The following SH3BGRL2 variants were observed in gnomAD, a reference collection of about 807,000 sequenced individuals.
SH3BGRL2 encodes the protein SH3 domain binding glutamate rich protein like 2, also known as SH3 domain-binding glutamic acid-rich-like protein 2.
A neutral mutation model predicts 14.8 loss-of-function variants in SH3BGRL2; 21 were observed. The observed-to-expected ratio is 1.42, with a 90% CI of 1.01 to 2.05. The LOEUF is 2.05. Ranked by LOEUF, SH3BGRL2 falls within the 30% of genes most tolerant of loss-of-function variation. SH3BGRL2 has a pLI of 0.00. For missense variants in SH3BGRL2, 147 were observed against 130.8 expected (o/e 1.12, Z -0.61); for synonymous variants, 50 against 47.8 (o/e 1.05, Z -0.19).
At chr6:79,550,419 T>C in the SH3BGRL2 span, among the ~76,000 whole-genome samples, 1 of 152,158 alleles carries the variant, frequency 6.6e-6, no homozygotes, top group African/African-American at 2.4e-5. Flanking sequence ...CCTAAGGTAA[T>C]CCTCTGCTTA....
chr6:79,680,948 T>A (rs1769977323), intron 2 of SH3BGRL2, among the ~76,000 whole-genome samples: 1 of 152,234 alleles, frequency 6.6e-6, no homozygotes, highest in African/African-American at 2.4e-5. Flanking sequence ...TGTTTATTAG[T>A]TCTTTTATTT....
the SH3BGRL2 span, among the ~76,000 whole-genome samples, chr6:79,583,346 G>A: frequency 0.11 from 16,275 of 152,112 alleles, 983 homozygotes; most frequent in Non-Finnish European, 0.13. Flanking sequence ...TGTTTATTGC[G>A]GCACTATTTA....
intron 1 of SH3BGRL2, among the ~76,000 whole-genome samples, chr6:79,664,535 C>T (rs545443137): frequency 2.0e-5 from 3 of 152,210 alleles, no homozygotes; most frequent in South Asian, 4.1e-4. Context: ...GCCAACTGGC[C>T]CAATTGAGGT....
rs1466642623 is a variant in SH3BGRL2, at chr6:79,641,077, A to G, written c.45+9571A>G. 3.3e-5 allele frequency among the ~76,000 whole-genome samples: 5 copies of G among 152,152 alleles called. No homozygotes were observed. In the East Asian group the frequency reaches 9.7e-4, roughly 29 times the overall value. On this transcript the variant is annotated intron_variant, in intron 1 of 3. Coordinates refer to ENST00000369838, the MANE Select transcript of SH3BGRL2 (RefSeq NM_031469.4). ...TTGTTTTCCTTCTGCATGTTCCACA[A>G]GACGTGGGAGTGTGGTCTTCTTCAT...
chr6:79,541,096 A>T, the SH3BGRL2 span, among the ~76,000 whole-genome samples: 1 of 151,990 alleles, frequency 6.6e-6, no homozygotes, highest in Non-Finnish European at 1.5e-5. Flanking sequence ...TCTACTAAAA[A>T]TACAAAATTA....
At position 79,641,638 on chromosome 6, in the gene SH3BGRL2, A is replaced by G. The variant is rs753400298; in HGVS notation, c.45+10132A>G. ...AAAAGCTCTTATGAGCTTTGAATGA[A>G]ATGAATGATTTTGCATTAGGCATTT... On this transcript the variant is annotated intron_variant, in intron 1 of 3. Coordinates refer to ENST00000369838, the MANE Select transcript of SH3BGRL2 (RefSeq NM_031469.4). Among the ~76,000 whole-genome samples, 24 of 152,188 alleles carry G rather than the reference A, an allele frequency of 1.6e-4. 1 individual carries two copies. The highest frequency in any genetic ancestry group is 6.2e-4 in the South Asian group (3 of 4,824).
At chr6:79,671,684 A>G (rs774325736) in intron 1 of SH3BGRL2, among the ~76,000 whole-genome samples, 4 of 152,214 alleles carry the variant, frequency 2.6e-5, no homozygotes, top group Non-Finnish European at 5.9e-5. Context: ...AGTGCTCTTG[A>G]TGGCTTCCTG....
chr6:79,639,822 T>C (rs1010927635), intron 1 of SH3BGRL2, among the ~76,000 whole-genome samples: 2 of 152,182 alleles, frequency 1.3e-5, no homozygotes, highest in Non-Finnish European at 2.9e-5. Context: ...GAGATTTAAG[T>C]TCTATTTAAG....
the SH3BGRL2 span, among the ~76,000 whole-genome samples, chr6:79,568,963 T>C: frequency 6.6e-6 from 1 of 152,222 alleles, no homozygotes; most frequent in Non-Finnish European, 1.5e-5. Context: ...AAGAGATTTA[T>C]TCTAAGCCAA....
At chr6:79,676,140 G>A (rs1297823553) in intron 2 of SH3BGRL2, among the ~76,000 whole-genome samples, 1 of 152,028 alleles carries the variant, frequency 6.6e-6, no homozygotes, top group Admixed American at 6.6e-5. Flanking sequence ...ATCTCTGCCT[G>A]GCTATTGGAG....
chr6:79,690,139 A>G (rs1471520396), intron 2 of SH3BGRL2, among the ~76,000 whole-genome samples: 2 of 151,876 alleles, frequency 1.3e-5, no homozygotes, highest in African/African-American at 2.4e-5. Context: ...CTGCAGGCAC[A>G]TGCTGCCATC....
At chr6:79,659,166 G>T (rs1403915947) in intron 1 of SH3BGRL2, among the ~76,000 whole-genome samples, 1 of 152,050 alleles carries the variant, frequency 6.6e-6, no homozygotes, top group East Asian at 1.9e-4. Flanking sequence ...GTCAATTTTG[G>T]CTTTTGTTGC....
At chr6:79,567,496 C>A in the SH3BGRL2 span, among the ~76,000 whole-genome samples, 1,084 of 152,196 alleles carry the variant, frequency 7.1e-3, 14 homozygotes, top group African/African-American at 0.024. Context: ...CAGTGACAGG[C>A]CTTTACATAT....
upstream of SH3BGRL2, among the ~76,000 whole-genome samples, chr6:79,627,543 C>T (rs1207988408): frequency 1.3e-5 from 2 of 152,124 alleles, no homozygotes; most frequent in Admixed American, 1.3e-4. Context: ...ATGAAATTTG[C>T]CAAAGGAGAG....
Position 79,667,230 on chromosome 6 carries a change from C to T in SH3BGRL2, c.46-6384C>T, listed in dbSNP as rs114535091. Among the ~76,000 whole-genome samples, 824 of 152,236 alleles carry T rather than the reference C, an allele frequency of 5.4e-3. 9 individuals are homozygous for T. Among genetic ancestry groups the T allele is most frequent in the African/African-American group, 0.019 (778 of 41,542 alleles). On this transcript the variant is annotated intron_variant, in intron 1 of 3. Coordinates refer to ENST00000369838, the MANE Select transcript of SH3BGRL2 (RefSeq NM_031469.4). ...AGAAAAAGGAAGTTAGGTACAAAAA[C>T]GGGAATAATCTAATGGAAGTTAGAT...
the SH3BGRL2 span, among the ~76,000 whole-genome samples, chr6:79,601,929 C>A: frequency 6.8e-6 from 1 of 146,196 alleles, no homozygotes; most frequent in Non-Finnish European, 1.5e-5. Context: ...AAGCTCCCCA[C>A]CCCCCACAAA....
At chr6:79,685,033 T>G (rs1562157724) in intron 2 of SH3BGRL2, among the ~76,000 whole-genome samples, 2 of 152,252 alleles carry the variant, frequency 1.3e-5, no homozygotes, top group Non-Finnish European at 2.9e-5. Flanking sequence ...TTAGATATTC[T>G]CTGCTGTTTT....
At chr6:79,600,047 G>A in the SH3BGRL2 span, among the ~76,000 whole-genome samples, 3 of 152,162 alleles carry the variant, frequency 2.0e-5, no homozygotes, top group Admixed American at 6.5e-5. Context: ...ACTCACTATC[G>A]TTTTGCACCC....
chr6:79,584,189 G>T, the SH3BGRL2 span, among the ~76,000 whole-genome samples: 1 of 152,162 alleles, frequency 6.6e-6, no homozygotes, highest in South Asian at 2.1e-4. Context: ...ATTTCATTAT[G>T]GGTATATATT....
Sources: gnomAD v4.1 joint callset for allele counts (sites outside exome capture counted in the v4.1 genomes callset) on GRCh38, gnomAD v4.1.1 for gene constraint, MANE v1.5 for transcripts, NCBI Gene and HGNC (gene_info 2026-07-23, HGNC 2026-07-21) for gene names.